The following ANO2 variants were observed in gnomAD, a reference collection of about 807,000 sequenced individuals.
The protein encoded by ANO2 is anoctamin 2.
ANO2 carries 101 observed loss-of-function variants against 124.2 expected under a neutral mutation model. The observed-to-expected ratio is 0.81, with a 90% CI of 0.69 to 0.96. The LOEUF (loss-of-function observed/expected upper bound fraction) is 0.96. ANO2 is among the 40% of genes least tolerant of loss of function. The pLI is 0.00. For missense variants in ANO2, 1,293 were observed against 1,274.5 expected, an observed-to-expected ratio of 1.01 and a Z score of -0.22; for synonymous variants, 486 against 482.5, an observed-to-expected ratio of 1.01 and a Z score of -0.09.
chr12:5,686,488 T>C (rs1948711800), intron 14 of ANO2, among the ~76,000 whole-genome samples: 2 of 152,204 alleles, frequency 1.3e-5, no homozygotes, highest in Admixed American at 6.5e-5. Context: ...AACAGACTCC[T>C]ACTGTTAAGG....
At chr12:5,880,581 G>C (rs1938417283) in intron 3 of ANO2, among the ~76,000 whole-genome samples, 1 of 152,040 alleles carries the variant, frequency 6.6e-6, no homozygotes. Flanking sequence ...ACACCCAAGG[G>C]AGGGAAAATG....
chr12:5,583,858 T>A, intron 20 of ANO2: 2 of 191,618 alleles, frequency 1.0e-5, no homozygotes, highest in Non-Finnish European at 2.3e-5. Context: ...CAGAATATCA[T>A]CATGGTGAAC....
intron 4 of ANO2, among the ~76,000 whole-genome samples, chr12:5,836,536 T>C (rs1335918168): frequency 2.0e-5 from 3 of 152,200 alleles, no homozygotes; most frequent in African/African-American, 7.2e-5. Context: ...CTAATCTTCT[T>C]GCCTCCTCAT....
chr12:5,567,454 A>C (rs1431182627), intron 23 of ANO2, among the ~76,000 whole-genome samples: 2 of 152,056 alleles, frequency 1.3e-5, no homozygotes, highest in African/African-American at 4.8e-5. Context: ...TCTTCTAGAG[A>C]CCTCCAGAGA....
At chr12:5,849,568 T>C (rs1243733642) in intron 4 of ANO2, among the ~76,000 whole-genome samples, 1 of 152,216 alleles carries the variant, frequency 6.6e-6, no homozygotes, top group Non-Finnish European at 1.5e-5. Flanking sequence ...CCTCACAAAA[T>C]GCTGGCTCTT....
chr12:5,679,810 TC>T (rs1446865812), intron 14 of ANO2, among the ~76,000 whole-genome samples: 2 of 152,146 alleles, frequency 1.3e-5, no homozygotes, highest in Non-Finnish European at 2.9e-5. Flanking sequence ...GGAATATAAA[TC>T]ATTCTATTAT....
At chr12:5,855,434 A>C (rs947843489) in intron 3 of ANO2, among the ~76,000 whole-genome samples, 1 of 152,180 alleles carries the variant, frequency 6.6e-6, no homozygotes, top group Non-Finnish European at 1.5e-5. Flanking sequence ...GCAGCTCCAA[A>C]ATATGTTCAG....
chr12:5,740,108 G>A, intron 12 of ANO2: 1 of 403,046 alleles, frequency 2.5e-6, no homozygotes, highest in South Asian at 1.9e-5. Context: ...GCTCTAGGAA[G>A]AACCTGATAC....
chr12:5,733,010 C>T (rs1224900787), intron 13 of ANO2: 27 of 1,009,256 alleles, frequency 2.7e-5, no homozygotes, highest in South Asian at 5.5e-5. Context: ...CACCAACTAT[C>T]GTCAGACCTC....
At chr12:5,585,774 C>T (rs894560055) in intron 20 of ANO2, among the ~76,000 whole-genome samples, 1 of 152,150 alleles carries the variant, frequency 6.6e-6, no homozygotes, top group Non-Finnish European at 1.5e-5. Context: ...TGAAACCAGT[C>T]ATGATTGGAA....
chr12:5,931,486 AAGGAAAGAAGGCAGACGAGTG>A, intron 1 of ANO2, among the ~76,000 whole-genome samples: 1 of 151,748 alleles, frequency 6.6e-6, no homozygotes, highest in East Asian at 1.9e-4. Flanking sequence ...GAAGGCCTAT[AAGGAAAGAAGGCAGACGAGTG>A]AGGAAAGAAG....
rs1941566346 is a variant in ANO2 at position 5,563,498 on chromosome 12, T to C, written c.2798A>G (p.Gln933Arg). The C allele has an allele frequency of 6.2e-7, 1 of 1,613,896 alleles. No individual in the cohort carries two copies. The highest frequency in any genetic ancestry group is 1.7e-5 in the Admixed American group (1 of 60,008). The part of the protein sequence containing the change: ...IPDIPTDISD[Q>R]IKKEKSLLVD... ...TAATAAGCTCTTCTCTTTCTTGATCTGGTCGCTGATGTCCGTGGGGATGTC... is the reference window on the plus strand; with the variant it reads ...TAATAAGCTCTTCTCTTTCTTGATCCGGTCGCTGATGTCCGTGGGGATGTC... Residue 933 changes from glutamine to arginine, a missense_variant, in exon 25 of 25, where the codon CAG (glutamine) becomes CGG (arginine). By Grantham distance (43) the Gln-to-Arg change is conservative. Transcript: ENST00000682330.
At chr12:5,801,520 CAG>C (rs1342922849) in intron 9 of ANO2, among the ~76,000 whole-genome samples, 1 of 152,196 alleles carries the variant, frequency 6.6e-6, no homozygotes, top group Non-Finnish European at 1.5e-5. Flanking sequence ...ATCAGCCCTA[CAG>C]AGAGCCATCC....
intron 3 of ANO2, among the ~76,000 whole-genome samples, chr12:5,879,051 T>C (rs189394729): frequency 6.6e-6 from 1 of 152,224 alleles, no homozygotes; most frequent in Non-Finnish European, 1.5e-5. Flanking sequence ...TGCGAGAACA[T>C]GACAGTGTTC....
At position 5,772,597 on chromosome 12, in the gene ANO2, T is replaced by C. The variant is rs111693600; in HGVS notation, c.1056-21627A>G. 2.6e-5 allele frequency among the ~76,000 whole-genome samples: 4 copies of C among 152,352 alleles called. 1 individual carries two copies. Among genetic ancestry groups the C allele is most frequent in the African/African-American group, 9.6e-5 (4 of 41,576 alleles). On this transcript the variant is annotated intron_variant, in intron 10 of 24. Coordinates refer to ENST00000682330, the MANE Select transcript of ANO2 (RefSeq NM_001364791.2). ...ATCATTACCCAAACCAAAGATGATA[T>C]ACTCTGCTATTTAAAAATGTATTTG...
intron 3 of ANO2, among the ~76,000 whole-genome samples, chr12:5,917,056 T>C (rs2136298211): frequency 6.6e-6 from 1 of 152,164 alleles, no homozygotes; most frequent in East Asian, 1.9e-4. Context: ...CTGAGTGGCC[T>C]TGAAGCCATG....
chr12:5,733,814 G>A (rs1410017655), intron 13 of ANO2, among the ~76,000 whole-genome samples: 2 of 152,330 alleles, frequency 1.3e-5, no homozygotes, highest in Admixed American at 1.3e-4. Context: ...ACCAGGTGGG[G>A]TCTCCTCCCT....
At chr12:5,726,560 T>C (rs970828533) in intron 14 of ANO2, among the ~76,000 whole-genome samples, 1 of 152,210 alleles carries the variant, frequency 6.6e-6, no homozygotes, top group South Asian at 2.1e-4. Context: ...TGTATTATCA[T>C]TGATCAACTT....
At chr12:5,600,676 T>C (rs1184439314) in intron 19 of ANO2, among the ~76,000 whole-genome samples, 1 of 152,222 alleles carries the variant, frequency 6.6e-6, no homozygotes, top group Non-Finnish European at 1.5e-5. Flanking sequence ...GGGAATGGAA[T>C]TGCAGTTTTT....
Sources: gnomAD v4.1 joint callset for allele counts (sites outside exome capture counted in the v4.1 genomes callset) on GRCh38, gnomAD v4.1.1 for gene constraint, MANE v1.5 for transcripts, NCBI Gene and HGNC (gene_info 2026-07-23, HGNC 2026-07-21) for gene names.